The following EPHA6 variants were observed in gnomAD, a reference collection of about 807,000 sequenced individuals.
EPHA6 encodes EPH receptor A6.
A neutral mutation model predicts 112.0 loss-of-function variants in EPHA6; 50 were observed. The ratio of observed to expected loss-of-function variants is 0.45; its 90% CI spans 0.36 to 0.56. EPHA6 has a LOEUF of 0.56. Ranked by LOEUF, EPHA6 falls within the 20% of genes least tolerant of loss-of-function variation. The pLI, the probability that EPHA6 is intolerant of heterozygous loss-of-function variation, is 0.00. For synonymous variants in EPHA6, 529 were observed against 490.7 expected (o/e 1.08, Z -1.03); for missense variants, 1,280 against 1,417.4 (o/e 0.90, Z 1.56).
chr3:96,852,712 A>T (rs1345813931), intron 1 of EPHA6, among the ~76,000 whole-genome samples: 2 of 151,878 alleles, frequency 1.3e-5, no homozygotes, highest in Admixed American at 6.6e-5. Context: ...TTGGGTGTAG[A>T]GTACTTAACA....
At chr3:96,990,787 C>T (rs568289089) in intron 3 of EPHA6, among the ~76,000 whole-genome samples, 2 of 152,118 alleles carry the variant, frequency 1.3e-5, no homozygotes, top group South Asian at 2.1e-4. Context: ...TTTATCATTG[C>T]TTTTATTGCC....
intron 14 of EPHA6, among the ~76,000 whole-genome samples, chr3:97,671,110 T>C (rs2030771066): frequency 6.6e-6 from 1 of 152,174 alleles, no homozygotes; most frequent in Non-Finnish European, 1.5e-5. Context: ...CGGTTATCCC[T>C]TCTGTAAAAA....
intron 15 of EPHA6, among the ~76,000 whole-genome samples, chr3:97,721,850 T>C (rs1004885936): frequency 6.6e-6 from 1 of 152,234 alleles, no homozygotes. Context: ...CATAAATTTG[T>C]TCCTTCACTT....
At chr3:97,142,265 G>T (rs982422106) in intron 3 of EPHA6, among the ~76,000 whole-genome samples, 1 of 151,950 alleles carries the variant, frequency 6.6e-6, no homozygotes, top group Non-Finnish European at 1.5e-5. Context: ...AACAAGAACA[G>T]TTTTTATATT....
rs558529534 is a variant in EPHA6 at position 96,850,329 on chromosome 3, C to G, written c.386-16496C>G. Among the ~76,000 whole-genome samples, 156 of 152,058 alleles carry G rather than the reference C, an allele frequency of 1.0e-3. 1 individual carries two copies. Among genetic ancestry groups the G allele is most frequent in the African/African-American group, 3.5e-3 (147 of 41,474 alleles). ...AGCTGGACTGCACCAGGAGATAGCC[C>G]AATAATTAGCGCTTAGGGGTCGGAG... On this transcript the variant is annotated intron_variant, in intron 1 of 17. Transcript: ENST00000389672.
intron 5 of EPHA6, among the ~76,000 whole-genome samples, chr3:97,245,481 A>G (rs1355032757): frequency 1.3e-5 from 2 of 152,032 alleles, no homozygotes. Context: ...ACATATGAAT[A>G]TGTAGAAAGA....
intron 6 of EPHA6, among the ~76,000 whole-genome samples, chr3:97,410,215 T>C (rs1211190502): frequency 6.6e-6 from 1 of 152,094 alleles, no homozygotes; most frequent in South Asian, 2.1e-4. Flanking sequence ...TTTCTCAATA[T>C]AGTTTTTCCA....
At chr3:96,986,209 C>T (rs1432330724) in intron 2 of EPHA6, among the ~76,000 whole-genome samples, 1 of 152,140 alleles carries the variant, frequency 6.6e-6, no homozygotes, top group Non-Finnish European at 1.5e-5. Flanking sequence ...AAACTGCTTT[C>T]AGGGTACCCA....
chr3:97,612,164 T>G (rs969582093), intron 13 of EPHA6, among the ~76,000 whole-genome samples: 1 of 152,064 alleles, frequency 6.6e-6, no homozygotes, highest in African/African-American at 2.4e-5. Flanking sequence ...TCATTTAACC[T>G]GTTCTAAATT....
chr3:97,576,428 C>T (rs9812909), intron 11 of EPHA6, among the ~76,000 whole-genome samples: 243 of 152,030 alleles, frequency 1.6e-3, no homozygotes, highest in Middle Eastern at 3.4e-3. Flanking sequence ...TCATCAACTG[C>T]GCTGGCAGAC....
chr3:97,696,590 T>C (rs1395534262), intron 14 of EPHA6, among the ~76,000 whole-genome samples: 1 of 152,136 alleles, frequency 6.6e-6, no homozygotes, highest in Non-Finnish European at 1.5e-5. Context: ...TGGCCCCACC[T>C]CATAAGAACC....
intron 3 of EPHA6, among the ~76,000 whole-genome samples, chr3:97,087,625 T>C (rs939098090): frequency 6.6e-6 from 1 of 152,046 alleles, no homozygotes; most frequent in African/African-American, 2.4e-5. Context: ...GTAGAGCAAA[T>C]TTCTACACAT....
chr3:97,523,625 A>C (rs2092576763), intron 10 of EPHA6, among the ~76,000 whole-genome samples: 1 of 151,968 alleles, frequency 6.6e-6, no homozygotes, highest in Admixed American at 6.6e-5. Context: ...TGCAGTATTT[A>C]CTATTACTGT....
At position 96,931,264 on chromosome 3, in the gene EPHA6, G is replaced by A. The variant is rs143163067; in HGVS notation, c.451-56066G>A. Among the ~76,000 whole-genome samples the A allele has an allele frequency of 4.5e-3, 685 of 152,290 alleles. 7 individuals are homozygous for A. Among genetic ancestry groups the A allele is most frequent in the African/African-American group, 0.016 (647 of 41,566 alleles). On this transcript the variant is annotated intron_variant, in intron 2 of 17. Coordinates refer to ENST00000389672, the MANE Select transcript of EPHA6 (RefSeq NM_001080448.3). ...GCTGGGAGGTCCCACCCAGTGAGGA[G>A]GAATGGATCAGGGTCCTGCTTTAAG...
intron 3 of EPHA6, among the ~76,000 whole-genome samples, chr3:97,067,909 G>A (rs778289642): frequency 3.3e-5 from 5 of 151,988 alleles, no homozygotes; most frequent in Non-Finnish European, 5.9e-5. Context: ...TTGGGAGGCT[G>A]AGGCAGGTGA....
intron 5 of EPHA6, among the ~76,000 whole-genome samples, chr3:97,366,243 G>A (rs1577109747): frequency 6.6e-6 from 1 of 152,080 alleles, no homozygotes; most frequent in South Asian, 2.1e-4. Context: ...CGTATTCTGT[G>A]CAGTTTTACT....
chr3:96,816,431 G>A (rs542667175), intron 1 of EPHA6, among the ~76,000 whole-genome samples: 7 of 152,074 alleles, frequency 4.6e-5, no homozygotes, highest in Admixed American at 3.9e-4. Flanking sequence ...AAAGACTGTG[G>A]GTATAAAATA....
At chr3:97,726,159 G>T (rs1245261305) in intron 15 of EPHA6, among the ~76,000 whole-genome samples, 1 of 151,926 alleles carries the variant, frequency 6.6e-6, no homozygotes, top group South Asian at 2.1e-4. Context: ...TTCTAGATAA[G>T]ATAACTGAGG....
chr3:96,883,970 A>G (rs2037477270), intron 2 of EPHA6, among the ~76,000 whole-genome samples: 1 of 151,974 alleles, frequency 6.6e-6, no homozygotes. Flanking sequence ...CATTTGTGAA[A>G]ATGGTGTCCT....
Sources: gnomAD v4.1 joint callset for allele counts (sites outside exome capture counted in the v4.1 genomes callset) on GRCh38, gnomAD v4.1.1 for gene constraint, MANE v1.5 for transcripts, NCBI Gene and HGNC (gene_info 2026-07-23, HGNC 2026-07-21) for gene names.